The following PTPRG variants were observed in gnomAD, a reference collection of about 807,000 sequenced individuals.
PTPRG encodes protein tyrosine phosphatase receptor type G.
In PTPRG, 102 loss-of-function variants were observed where a neutral mutation model predicts 165.3. The ratio of observed to expected loss-of-function variants is 0.62; its 90% CI spans 0.53 to 0.73. The LOEUF (loss-of-function observed/expected upper bound fraction) is 0.73. Ranked by LOEUF, PTPRG falls within the 30% of genes least tolerant of loss-of-function variation. The pLI, the probability that PTPRG is intolerant of heterozygous loss-of-function variation, is 0.00. For missense variants in PTPRG, 1,866 were observed against 1,861.4 expected (o/e 1.00, Z -0.05); for synonymous variants, 675 against 669.5 (o/e 1.01, Z -0.13).
chr3:61,839,040 T>C (rs2036547311), intron 2 of PTPRG, among the ~76,000 whole-genome samples: 1 of 152,192 alleles, frequency 6.6e-6, no homozygotes, highest in Admixed American at 6.6e-5. Context: ...TTTTCAGGTC[T>C]CTGATTTATG....
intron 2 of PTPRG, among the ~76,000 whole-genome samples, chr3:61,968,076 C>T (rs1032412756): frequency 2.6e-5 from 4 of 152,130 alleles, no homozygotes; most frequent in African/African-American, 4.8e-5. Context: ...CTTACAGTGA[C>T]ATGTTACTCT....
At chr3:61,785,683 A>C (rs1241154486) in intron 2 of PTPRG, among the ~76,000 whole-genome samples, 3 of 152,256 alleles carry the variant, frequency 2.0e-5, no homozygotes, top group Non-Finnish European at 2.9e-5. Flanking sequence ...AATTGAAAGC[A>C]TGAGGGTCCT....
intron 2 of PTPRG, among the ~76,000 whole-genome samples, chr3:61,969,140 C>G (rs2040333646): frequency 6.6e-6 from 1 of 152,158 alleles, no homozygotes; most frequent in Non-Finnish European, 1.5e-5. Context: ...AAATGAAACA[C>G]TACAGGCCAA....
intron 1 of PTPRG, among the ~76,000 whole-genome samples, chr3:61,615,703 A>C (rs1053000511): frequency 6.6e-6 from 1 of 152,214 alleles, no homozygotes; most frequent in African/African-American, 2.4e-5. Flanking sequence ...TATTTGGGTT[A>C]TAGTCTGTTA....
At chr3:61,646,854 A>G (rs989564488) in intron 1 of PTPRG, among the ~76,000 whole-genome samples, 1 of 151,892 alleles carries the variant, frequency 6.6e-6, no homozygotes, top group Non-Finnish European at 1.5e-5. Flanking sequence ...CGAGAATGTC[A>G]TTATATAAAG....
At chr3:61,713,106 G>T (rs2031643251) in intron 1 of PTPRG, among the ~76,000 whole-genome samples, 1 of 151,460 alleles carries the variant, frequency 6.6e-6, no homozygotes, top group African/African-American at 2.4e-5. Context: ...CATGTCTTTG[G>T]GTTCAGAGTT....
intron 2 of PTPRG, among the ~76,000 whole-genome samples, chr3:61,923,653 C>G (rs1249954180): frequency 1.4e-5 from 2 of 146,686 alleles, no homozygotes; most frequent in Non-Finnish European, 3.0e-5. Context: ...GAGAACAGTT[C>G]CCACCTATGA....
chr3:61,678,004 A>T (rs914002220), intron 1 of PTPRG, among the ~76,000 whole-genome samples: 1 of 152,196 alleles, frequency 6.6e-6, no homozygotes, highest in Non-Finnish European at 1.5e-5. Context: ...ATTTGGTAAC[A>T]CAACATGCTG....
At chr3:62,124,450 G>A (rs1475403418) in intron 5 of PTPRG, 14 of 1,613,638 alleles carry the variant, frequency 8.7e-6, no homozygotes, top group Non-Finnish European at 1.1e-5. Flanking sequence ...TGTTCTGGGG[G>A]ATGCTGGGCA....
At chr3:61,952,962 A>G (rs1040700285) in intron 2 of PTPRG, among the ~76,000 whole-genome samples, 3 of 152,188 alleles carry the variant, frequency 2.0e-5, no homozygotes, top group Non-Finnish European at 4.4e-5. Flanking sequence ...GGGAATATGA[A>G]TGTATCACTC....
intron 2 of PTPRG, among the ~76,000 whole-genome samples, chr3:61,852,310 A>G (rs1247294689): frequency 6.6e-5 from 10 of 152,184 alleles, no homozygotes; most frequent in Admixed American, 5.2e-4. Context: ...ATAAAGTTGT[A>G]ATAAGGATTA....
In PTPRG at chr3:62,255,347, T is replaced by C. The variant is rs1332578032; in HGVS notation, c.2559+132T>C. 49 of 667,952 alleles carry C rather than the reference T, an allele frequency of 7.3e-5. No individual in the cohort carries two copies. Among genetic ancestry groups the C allele is most frequent in the Non-Finnish European group, 9.8e-6 (4 of 406,740 alleles). The allele number at this position is 667,952 out of a possible 1,614,324, so 41.4% of individuals were successfully genotyped here. On this transcript the variant is annotated intron_variant, in intron 16 of 29. Coordinates refer to ENST00000474889, the MANE Select transcript of PTPRG (RefSeq NM_002841.4). The surrounding 1 kb of genome is among the most constrained non-coding windows in gnomAD (Gnocchi z 4.0). Reference sequence around the variant, plus strand: ...ACGGAAAGTGGAGTTTTTCTTTTCATCTATTATTTTAATAGGCATTCTTTT... The same window carrying C: ...ACGGAAAGTGGAGTTTTTCTTTTCACCTATTATTTTAATAGGCATTCTTTT...
intron 1 of PTPRG, among the ~76,000 whole-genome samples, chr3:61,600,188 A>ATGTGTGTGTGTGTGTGTGTGTG (rs1372886923): frequency 6.5e-4 from 87 of 133,226 alleles, no homozygotes; most frequent in East Asian, 3.9e-3. Flanking sequence ...ATATATATAT[A>ATGTGTGTGTGTGTGTGTGTGTG]TATATGTGTG....
At chr3:61,638,505 A>T (rs964524235) in intron 1 of PTPRG, among the ~76,000 whole-genome samples, 1 of 131,558 alleles carries the variant, frequency 7.6e-6, no homozygotes, top group African/African-American at 3.0e-5. Flanking sequence ...AAATGGGAAT[A>T]TTTTATTTTT....
intron 1 of PTPRG, among the ~76,000 whole-genome samples, chr3:61,683,090 T>A (rs1370641570): frequency 6.6e-6 from 1 of 152,218 alleles, no homozygotes; most frequent in African/African-American, 2.4e-5. Context: ...GCTGACTAAT[T>A]ACAGGGATGT....
intron 1 of PTPRG, among the ~76,000 whole-genome samples, chr3:61,627,455 T>C (rs1200763759): frequency 2.0e-5 from 3 of 152,184 alleles, no homozygotes; most frequent in Admixed American, 6.5e-5. Context: ...TTCTATTCTT[T>C]ATGATGGCTG....
intron 2 of PTPRG, among the ~76,000 whole-genome samples, chr3:61,959,571 C>T (rs956884215): frequency 6.6e-5 from 10 of 152,130 alleles, no homozygotes; most frequent in African/African-American, 1.9e-4. Context: ...TGTCTTGGTT[C>T]CTAACACTAA....
intron 2 of PTPRG, among the ~76,000 whole-genome samples, chr3:61,874,754 A>G (rs1003916007): frequency 1.3e-5 from 2 of 152,234 alleles, no homozygotes; most frequent in African/African-American, 4.8e-5. Flanking sequence ...GTCCTCCACA[A>G]CAAAGAATGA....
At chr3:61,919,390 A>C (rs2039022777) in intron 2 of PTPRG, among the ~76,000 whole-genome samples, 1 of 152,218 alleles carries the variant, frequency 6.6e-6, no homozygotes, top group Non-Finnish European at 1.5e-5. Flanking sequence ...AACAAATAGA[A>C]AGCAAATCAA....
Sources: gnomAD v4.1 joint callset for allele counts (sites outside exome capture counted in the v4.1 genomes callset) on GRCh38, gnomAD v4.1.1 for gene constraint, Gnocchi (gnomAD v3.1) non-coding constraint, MANE v1.5 for transcripts, NCBI Gene and HGNC (gene_info 2026-07-23, HGNC 2026-07-21) for gene names.